The following SLIT2 variants were observed in gnomAD, a reference collection of about 807,000 sequenced individuals.
The protein encoded by SLIT2 is slit guidance ligand 2.
Under a neutral mutation model 185.7 loss-of-function variants are expected in SLIT2, and 41 were observed. The observed-to-expected ratio is 0.22, with a 90% CI of 0.17 to 0.29. The LOEUF is 0.29. Ranked by LOEUF, SLIT2 falls within the 10% of genes least tolerant of loss-of-function variation. The pLI is 1.00. For missense variants in SLIT2, 1,571 were observed against 1,909.0 expected (o/e 0.82, Z 3.30); for synonymous variants, 693 against 680.2 (o/e 1.02, Z -0.29).
chr4:20,476,244 T>C (rs952548268), intron 5 of SLIT2, among the ~76,000 whole-genome samples: 5 of 152,258 alleles, frequency 3.3e-5, no homozygotes, highest in Non-Finnish European at 1.5e-5. Context: ...TATACACATA[T>C]GGAAAGAAGG....
At chr4:20,553,042 C>T (rs898619532) in intron 25 of SLIT2, among the ~76,000 whole-genome samples, 2 of 152,202 alleles carry the variant, frequency 1.3e-5, no homozygotes, top group Non-Finnish European at 2.9e-5. Flanking sequence ...CCTGTCACTA[C>T]TTCTAATGAA....
chr4:20,295,492 G>T (rs1716362833), intron 4 of SLIT2, among the ~76,000 whole-genome samples: 1 of 152,192 alleles, frequency 6.6e-6, no homozygotes, highest in Admixed American at 6.5e-5. Context: ...GGTTTGGGCA[G>T]TGAAGTTACT....
chr4:20,284,575 A>G (rs1381626822), intron 4 of SLIT2, among the ~76,000 whole-genome samples: 1 of 152,182 alleles, frequency 6.6e-6, no homozygotes, highest in African/African-American at 2.4e-5. Flanking sequence ...ATCTTTGCGT[A>G]TGTTCTTTCT....
At chr4:20,606,232 C>A (rs1194532040) in intron 33 of SLIT2, among the ~76,000 whole-genome samples, 1 of 152,146 alleles carries the variant, frequency 6.6e-6, no homozygotes, top group African/African-American at 2.4e-5. Context: ...TGGTGGTTTA[C>A]ATCTGTAATC....
intron 8 of SLIT2, among the ~76,000 whole-genome samples, chr4:20,489,724 C>T (rs1338620484): frequency 6.6e-6 from 1 of 152,010 alleles, no homozygotes; most frequent in Non-Finnish European, 1.5e-5. Context: ...GCGGAGATTG[C>T]AGTGAGCTGA....
At chr4:20,515,838 C>T (rs944445665) in intron 11 of SLIT2, among the ~76,000 whole-genome samples, 5 of 152,034 alleles carry the variant, frequency 3.3e-5, no homozygotes, top group Admixed American at 1.3e-4. Context: ...TTTTTTGAGA[C>T]GGAGTCTCGC....
At chr4:20,455,486 C>T (rs972089635) in intron 4 of SLIT2, among the ~76,000 whole-genome samples, 5 of 152,088 alleles carry the variant, frequency 3.3e-5, no homozygotes, top group African/African-American at 1.2e-4. Flanking sequence ...AGTAAATATG[C>T]TAGTCCCCAA....
At chr4:20,485,167 C>T (rs943728681) in intron 6 of SLIT2, among the ~76,000 whole-genome samples, 1 of 152,096 alleles carries the variant, frequency 6.6e-6, no homozygotes, top group African/African-American at 2.4e-5. Context: ...TTGTATACCC[C>T]CCGGGATAAC....
At chr4:20,386,509 A>T (rs950467234) in intron 4 of SLIT2, among the ~76,000 whole-genome samples, 1 of 152,200 alleles carries the variant, frequency 6.6e-6, no homozygotes, top group East Asian at 1.9e-4. Context: ...AGCCCTGCAA[A>T]TTGAATTAGA....
chr4:20,323,127 G>A (rs1390109703), intron 4 of SLIT2, among the ~76,000 whole-genome samples: 1 of 152,142 alleles, frequency 6.6e-6, no homozygotes, highest in Non-Finnish European at 1.5e-5. Context: ...GACTATGGAG[G>A]TTAGAGCAGG....
At chr4:20,604,523 AT>A (rs764553409) in intron 33 of SLIT2, among the ~76,000 whole-genome samples, 2 of 151,022 alleles carry the variant, frequency 1.3e-5, no homozygotes, top group Non-Finnish European at 3.0e-5. Flanking sequence ...CTTTTTTTGT[AT>A]TTTTAATAGA....
At chr4:20,308,542 C>T (rs1208042806) in intron 4 of SLIT2, among the ~76,000 whole-genome samples, 1 of 152,028 alleles carries the variant, frequency 6.6e-6, no homozygotes, top group Admixed American at 6.5e-5. Context: ...CACTTTTCAG[C>T]TACATGACCT....
intron 33 of SLIT2, among the ~76,000 whole-genome samples, chr4:20,602,704 G>A (rs1009494499): frequency 1.3e-5 from 2 of 152,166 alleles, no homozygotes; most frequent in African/African-American, 2.4e-5. Flanking sequence ...TGCGTAAAAG[G>A]AATATGTACT....
At chr4:20,378,733 A>G (rs1443339274) in intron 4 of SLIT2, among the ~76,000 whole-genome samples, 1 of 152,170 alleles carries the variant, frequency 6.6e-6, no homozygotes, top group Non-Finnish European at 1.5e-5. Context: ...ATCTCTGGGC[A>G]TTGGTATTTA....
intron 18 of SLIT2, among the ~76,000 whole-genome samples, chr4:20,537,609 T>A (rs1577881773): frequency 6.6e-6 from 1 of 152,302 alleles, no homozygotes; most frequent in East Asian, 1.9e-4. Flanking sequence ...TTTGAAGTGC[T>A]TACATTTTAG....
At position 20,620,503 on chromosome 4, in the gene SLIT2, A is replaced by T. The variant is rs1316227172; in HGVS notation, c.*1494A>T. ...AATTCAGTGTGCTTTGTCTTTCTCCAGATTAATATCGGTTACACTGCTGAT... is the reference window on the plus strand; with the variant it reads ...AATTCAGTGTGCTTTGTCTTTCTCCTGATTAATATCGGTTACACTGCTGAT... On this transcript the variant is annotated 3_prime_UTR_variant, in exon 37 of 37. Transcript: ENST00000504154. 4.6e-6 allele frequency: 2 copies of T among 433,776 alleles called. No individual in the cohort carries two copies. Among genetic ancestry groups the T allele is most frequent in the East Asian group, 7.0e-5 (1 of 14,250 alleles). The allele number at this position is 433,776 out of a possible 1,614,324, so 26.9% of individuals were successfully genotyped here.
chr4:20,495,611 A>G (rs978191689), intron 9 of SLIT2, among the ~76,000 whole-genome samples: 4 of 152,190 alleles, frequency 2.6e-5, no homozygotes, highest in African/African-American at 9.6e-5. Flanking sequence ...AAGTTATACT[A>G]AATAATATGT....
At chr4:20,471,767 T>G (rs2148752332) in intron 5 of SLIT2, among the ~76,000 whole-genome samples, 1 of 152,230 alleles carries the variant, frequency 6.6e-6, no homozygotes, top group South Asian at 2.1e-4. Context: ...GCTGTGGAAA[T>G]TTTGCAGATT....
chr4:20,278,656 A>G (rs1383567077), intron 4 of SLIT2, among the ~76,000 whole-genome samples: 1 of 152,148 alleles, frequency 6.6e-6, no homozygotes, highest in East Asian at 1.9e-4. Flanking sequence ...CAAAAAAAAC[A>G]CAAAACATTG....
Sources: gnomAD v4.1 joint callset for allele counts (sites outside exome capture counted in the v4.1 genomes callset) on GRCh38, gnomAD v4.1.1 for gene constraint, MANE v1.5 for transcripts, NCBI Gene and HGNC (gene_info 2026-07-23, HGNC 2026-07-21) for gene names.